The following ATRNL1 variants were observed in gnomAD, a reference collection of about 807,000 sequenced individuals.
The protein encoded by ATRNL1 is attractin-like protein 1.
Under a neutral mutation model 182.7 loss-of-function variants are expected in ATRNL1, and 95 were observed. The ratio of observed to expected loss-of-function variants is 0.52; its 90% CI spans 0.44 to 0.62. The LOEUF is 0.62. Among genes scored for constraint, ATRNL1 ranks in the 20% least tolerant of loss-of-function variants. The pLI is 0.00. For missense variants in ATRNL1, 1,471 were observed against 1,679.5 expected (o/e 0.88, Z 2.17); for synonymous variants, 576 against 568.3 (o/e 1.01, Z -0.19).
At chr10:115,141,087 AGTG>A (rs1490152899) in intron 5 of ATRNL1, among the ~76,000 whole-genome samples, 25 of 152,096 alleles carry the variant, frequency 1.6e-4, no homozygotes, top group African/African-American at 5.6e-4. Flanking sequence ...TATCTTTCCC[AGTG>A]GAATATAAAC....
intron 6 of ATRNL1, among the ~76,000 whole-genome samples, chr10:115,162,750 G>A (rs1422595583): frequency 6.6e-6 from 1 of 150,830 alleles, no homozygotes; most frequent in East Asian, 1.9e-4. Context: ...GAGGTTGTGG[G>A]GAACAGGGGA....
chr10:115,175,394 A>G (rs1847462975), intron 8 of ATRNL1, among the ~76,000 whole-genome samples: 1 of 152,042 alleles, frequency 6.6e-6, no homozygotes, highest in Non-Finnish European at 1.5e-5. Context: ...TTGATTTGGG[A>G]TAATCTGATT....
chr10:115,202,605 T>C (rs1848628957), intron 8 of ATRNL1, among the ~76,000 whole-genome samples: 1 of 150,086 alleles, frequency 6.7e-6, no homozygotes, highest in Non-Finnish European at 1.5e-5. Context: ...GTGGATAAGC[T>C]TTTTGATGTG....
intron 8 of ATRNL1, among the ~76,000 whole-genome samples, chr10:115,183,915 A>G (rs1847840200): frequency 6.6e-6 from 1 of 151,600 alleles, no homozygotes; most frequent in Admixed American, 6.6e-5. Context: ...AAATATCAAC[A>G]CAAAATTCTA....
At position 115,528,043 on chromosome 10, in the gene ATRNL1, T is replaced by C. The variant is rs1279581740; in HGVS notation, c.3716+8719T>C. ...CTTCCTTCCCTCCTTCCTTTCTTCC[T>C]TCCTTCCTTCCTTCCTTCCTTCCTT... On this transcript the variant is annotated intron_variant, in intron 25 of 28. Coordinates refer to ENST00000355044, the MANE Select transcript of ATRNL1 (RefSeq NM_207303.4). 1.9e-3 allele frequency among the ~76,000 whole-genome samples: 103 copies of C among 52,830 alleles called. 2 individuals carry two copies. The highest frequency in any genetic ancestry group is 8.5e-3 in the African/African-American group (94 of 11,084). The allele number at this position is 52,830 out of a possible 152,430, so 34.7% of individuals were successfully genotyped here.
chr10:115,716,394 G>A (rs903072678), intron 26 of ATRNL1, among the ~76,000 whole-genome samples: 2 of 152,050 alleles, frequency 1.3e-5, no homozygotes, highest in Non-Finnish European at 2.9e-5. Context: ...GGTCATTTAC[G>A]TATCCAGGAA....
chr10:115,129,566 A>G (rs181316980), intron 5 of ATRNL1, 31 bp downstream of exon 5: 49 of 1,565,404 alleles, frequency 3.1e-5, no homozygotes, highest in Non-Finnish European at 4.0e-5. Context: ...GGCTTTTGAA[A>G]CATTGATTCA....
intron 27 of ATRNL1, among the ~76,000 whole-genome samples, chr10:115,763,068 A>G (rs1254484837): frequency 6.6e-6 from 1 of 152,196 alleles, no homozygotes; most frequent in South Asian, 2.1e-4. Flanking sequence ...AAAAGTTATC[A>G]TGCAATAAAT....
chr10:115,639,870 G>T (rs1859122622), intron 26 of ATRNL1, among the ~76,000 whole-genome samples: 2 of 151,962 alleles, frequency 1.3e-5, no homozygotes, highest in Admixed American at 6.6e-5. Context: ...TGTTACATAG[G>T]TATATACATG....
intron 25 of ATRNL1, among the ~76,000 whole-genome samples, chr10:115,535,128 G>C (rs1308808487): frequency 1.3e-5 from 2 of 150,972 alleles, no homozygotes; most frequent in South Asian, 2.1e-4. Context: ...GGCGTTCTCT[G>C]TATTTCCTGA....
At chr10:115,718,005 G>C (rs114692811) in intron 26 of ATRNL1, among the ~76,000 whole-genome samples, 2 of 152,116 alleles carry the variant, frequency 1.3e-5, no homozygotes, top group African/African-American at 4.8e-5. Flanking sequence ...TGAAAAGTCC[G>C]TACACGATTC....
intron 21 of ATRNL1, among the ~76,000 whole-genome samples, chr10:115,449,252 A>C (rs1265675542): frequency 3.3e-5 from 5 of 152,194 alleles, no homozygotes; most frequent in South Asian, 2.1e-4. Flanking sequence ...AGAAGAGAAG[A>C]AGCAGCCAGA....
intron 27 of ATRNL1, among the ~76,000 whole-genome samples, chr10:115,754,010 T>G (rs1275839624): frequency 6.6e-6 from 1 of 152,152 alleles, no homozygotes; most frequent in African/African-American, 2.4e-5. Flanking sequence ...TTCACCCACT[T>G]TTTAATGGGG....
At chr10:115,565,118 T>C (rs1008782499) in intron 26 of ATRNL1, among the ~76,000 whole-genome samples, 7 of 151,970 alleles carry the variant, frequency 4.6e-5, no homozygotes, top group Non-Finnish European at 1.0e-4. Flanking sequence ...AATCCAGCTA[T>C]GTAATTCTGA....
chr10:115,572,372 T>C (rs1204758151), intron 26 of ATRNL1, among the ~76,000 whole-genome samples: 1 of 152,116 alleles, frequency 6.6e-6, no homozygotes, highest in African/African-American at 2.4e-5. Flanking sequence ...GAGGAAAATT[T>C]AGGATTTGTT....
chr10:115,158,059 T>C (rs1846605826), intron 5 of ATRNL1, among the ~76,000 whole-genome samples: 1 of 152,010 alleles, frequency 6.6e-6, no homozygotes, highest in Non-Finnish European at 1.5e-5. Flanking sequence ...AAAGTTATTA[T>C]ACAAGAATAA....
intron 27 of ATRNL1, among the ~76,000 whole-genome samples, chr10:115,736,607 C>G (rs1207044436): frequency 2.6e-5 from 4 of 151,940 alleles, no homozygotes; most frequent in Non-Finnish European, 4.4e-5. Flanking sequence ...TTTATGAGCT[C>G]TTATATGATC....
chr10:115,533,102 G>A (rs1235547347), intron 25 of ATRNL1, among the ~76,000 whole-genome samples: 1 of 152,224 alleles, frequency 6.6e-6, no homozygotes, highest in African/African-American at 2.4e-5. Context: ...TTGGTATCAG[G>A]ATGATGCTGG....
chr10:115,220,724 T>TGGG (rs58458401), intron 9 of ATRNL1, among the ~76,000 whole-genome samples: 2 of 20,394 alleles, frequency 9.8e-5, no homozygotes, highest in East Asian at 5.7e-3. Context: ...AATAAAATAA[T>TGGG]GGGGGGGGGG....
Sources: gnomAD v4.1 joint callset for allele counts (sites outside exome capture counted in the v4.1 genomes callset) on GRCh38, gnomAD v4.1.1 for gene constraint, MANE v1.5 for transcripts, NCBI Gene and HGNC (gene_info 2026-07-23, HGNC 2026-07-21) for gene names.